Variants in ZFR observed in about 807,000 individuals in gnomAD.
ZFR encodes the protein zinc finger RNA-binding protein.
Under a neutral mutation model 130.7 loss-of-function variants are expected in ZFR, and 19 were observed. The ratio of observed to expected loss-of-function variants is 0.15; its 90% confidence interval spans 0.10 to 0.21. ZFR has a LOEUF of 0.21. Ranked by LOEUF, ZFR falls within the 10% of genes least tolerant of loss-of-function variation. ZFR has a pLI of 1.00. For synonymous variants in ZFR, 466 were observed against 456.9 expected (o/e 1.02, Z -0.25); for missense variants, 872 against 1,321.5 (o/e 0.66, Z 5.27).
chr5:32,413,932 C>CGA lies in ZFR; in HGVS notation c.784+1036_784+1037insTC, dbSNP rs1451250865. On this transcript the variant is annotated intron_variant, in intron 5 of 19. Transcript: ENST00000265069. ...TGGTGAATGATGAGCAGGTCCTCATCATTCACCACTCCAGCCAGAGTTCTC... is the reference window on the plus strand; with the variant it reads ...TGGTGAATGATGAGCAGGTCCTCATCGAATTCACCACTCCAGCCAGAGTTCTC... 4.6e-5 allele frequency among the ~76,000 whole-genome samples: 7 copies of CGA among 152,240 alleles called. No homozygotes were observed. In the East Asian group the frequency reaches 1.4e-3, roughly 29 times the overall value.
intron 15 of ZFR, among the ~76,000 whole-genome samples, chr5:32,384,337 C>G (rs1752991713): frequency 6.6e-6 from 1 of 152,164 alleles, no homozygotes; most frequent in East Asian, 1.9e-4. Flanking sequence ...ACACAAAACT[C>G]ATTTAAGATG....
intron 2 of ZFR, among the ~76,000 whole-genome samples, chr5:32,443,150 GA>G (rs989063516): frequency 6.6e-6 from 1 of 151,770 alleles, no homozygotes; most frequent in Non-Finnish European, 1.5e-5. Flanking sequence ...TAAATCAAAT[GA>G]AAAAAACTGC....
intron 15 of ZFR, among the ~76,000 whole-genome samples, chr5:32,382,321 AC>A (rs1752951074): frequency 6.6e-6 from 1 of 152,102 alleles, no homozygotes; most frequent in Non-Finnish European, 1.5e-5. Context: ...ACAAAGCAAA[AC>A]AAAACCAAAC....
chr5:32,358,722 A>G (rs995413687), intron 19 of ZFR, among the ~76,000 whole-genome samples: 7 of 151,614 alleles, frequency 4.6e-5, no homozygotes, highest in Non-Finnish European at 7.4e-5. Flanking sequence ...TAAAAAAAAA[A>G]GGGGAGGGGG....
Position 32,355,080 on chromosome 5 carries a change from T to C in ZFR, c.*680A>G, listed in dbSNP as rs1404112646. The stretch of plus-strand genomic sequence containing the variant: ...ACCATATAGTATATATTAGCTTTTA[T>C]ACTGCTAATGCACAACTAACAGCAA... On this transcript the variant is annotated 3_prime_UTR_variant, in exon 20 of 20. Transcript: ENST00000265069. The C allele has an allele frequency of 6.6e-6, 1 of 152,238 alleles. No homozygotes were observed. The highest frequency in any genetic ancestry group is 1.5e-5 in the Non-Finnish European group (1 of 68,042). 9.4% of individuals were successfully genotyped at this position (152,238 alleles called of 1,614,324 possible). A position where few individuals can be genotyped will look rare whatever the true frequency, so the allele number is the denominator to read the frequency against.
At chr5:32,418,987 T>G (rs908068332) in intron 3 of ZFR, among the ~76,000 whole-genome samples, 14 of 152,234 alleles carry the variant, frequency 9.2e-5, no homozygotes, top group African/African-American at 2.9e-4. Flanking sequence ...GATCAATTTT[T>G]GTTATAATAT....
chr5:32,428,309 G>A (rs945856698), intron 2 of ZFR, among the ~76,000 whole-genome samples: 1 of 152,188 alleles, frequency 6.6e-6, no homozygotes, highest in African/African-American at 2.4e-5. Context: ...AGCTACTCAG[G>A]GGGCTGAGGC....
At chr5:32,431,132 C>T (rs1255924807) in intron 2 of ZFR, among the ~76,000 whole-genome samples, 13 of 152,066 alleles carry the variant, frequency 8.5e-5, no homozygotes. Flanking sequence ...TGGAAATTCT[C>T]AAAGATTTAC....
chr5:32,407,098 A>C, intron 5 of ZFR, 77 bp from the exon 6 acceptor site: 1 of 1,244,680 alleles, frequency 8.0e-7, no homozygotes, highest in Non-Finnish European at 1.1e-6. Context: ...ATTTAAATTA[A>C]ATTAATCCTG....
At chr5:32,439,309 C>T (rs148316054) in intron 2 of ZFR, among the ~76,000 whole-genome samples, 1 of 152,266 alleles carries the variant, frequency 6.6e-6, no homozygotes, top group South Asian at 2.1e-4. Flanking sequence ...GGTTTTTTTA[C>T]TTTCTCAGTG....
At chr5:32,407,525 C>G (rs547067024) in intron 5 of ZFR, among the ~76,000 whole-genome samples, 8 of 151,866 alleles carry the variant, frequency 5.3e-5, no homozygotes, top group Non-Finnish European at 5.9e-5. Flanking sequence ...ACACTAAAAT[C>G]TGGAGCCCCA....
chr5:32,365,518 A>C (rs149849217), intron 17 of ZFR, among the ~76,000 whole-genome samples: 8 of 152,114 alleles, frequency 5.3e-5, no homozygotes, highest in African/African-American at 1.9e-4. Context: ...AAAAATTAAG[A>C]CAGCTCAGTT....
Position 32,385,623 on chromosome 5 carries a change from T to A in ZFR, c.2526A>T (p.Ile842=). 1 of 1,613,340 alleles carries A rather than the reference T, an allele frequency of 6.2e-7. No homozygotes were observed. The highest frequency in any genetic ancestry group is 8.5e-7 in the Non-Finnish European group (1 of 1,179,490). ...LAVISPEKYD[I]KCAVSEAAII... ...TTGCCGCTTCAGATACAGCACATTT[T>A]ATGTCATACTTCTCAGGGCTTATAA... The change falls in exon 15 of 20, where the codon ATA becomes ATT. Residue 842 remains isoleucine, a synonymous_variant. Coordinates refer to ENST00000265069, the MANE Select transcript of ZFR (RefSeq NM_016107.5).
At chr5:32,380,199 C>A in intron 15 of ZFR, 27 bp from the exon 16 acceptor site, 1 of 1,580,144 alleles carries the variant, frequency 6.3e-7, no homozygotes, top group Non-Finnish European at 8.7e-7. Flanking sequence ...TGGCAAAATG[C>A]AGTGAGGAAT....
At chr5:32,444,201 G>T (rs1411704233) in intron 2 of ZFR, 28 bp downstream of exon 2, 1 of 1,592,130 alleles carries the variant, frequency 6.3e-7, no homozygotes, top group Admixed American at 1.7e-5. Context: ...AGCAAGGGGC[G>T]AACAGAGAGA....
chr5:32,367,068 C>G (rs1329849605), intron 17 of ZFR, among the ~76,000 whole-genome samples: 1 of 151,744 alleles, frequency 6.6e-6, no homozygotes, highest in Non-Finnish European at 1.5e-5. Flanking sequence ...GTAATATTTG[C>G]TTTTTATTTA....
chr5:32,396,212 C>CA (rs1468587633), intron 10 of ZFR, among the ~76,000 whole-genome samples: 1,564 of 128,790 alleles, frequency 0.012, 12 homozygotes, highest in Middle Eastern at 0.031. Context: ...GGCCCTATCT[C>CA]AAAAAAAAAA....
intron 19 of ZFR, among the ~76,000 whole-genome samples, chr5:32,361,379 C>T (rs1210855834): frequency 2.0e-5 from 3 of 152,108 alleles, no homozygotes; most frequent in East Asian, 3.8e-4. Flanking sequence ...TTGCCAGTAC[C>T]GTTTCTCTAC....
intron 17 of ZFR, among the ~76,000 whole-genome samples, chr5:32,378,777 CCTG>C (rs1752879830): frequency 6.6e-6 from 1 of 151,016 alleles, no homozygotes; most frequent in South Asian, 2.1e-4. Context: ...AAAAAATGTC[CCTG>C]CATAAGGAGA....
Sources: allele counts gnomAD v4.1 joint callset (sites outside exome capture counted in the v4.1 genomes callset), GRCh38; gene constraint gnomAD v4.1.1; transcripts MANE v1.5; gene names NCBI Gene and HGNC (gene_info 2026-07-23, HGNC 2026-07-21).